The following ENTREP2 variants were observed in gnomAD, a reference collection of about 807,000 sequenced individuals.
ENTREP2 encodes the protein protein ENTREP2.
chr15:29,655,242 T>C, the ENTREP2 span, among the ~76,000 whole-genome samples: 1 of 152,036 alleles, frequency 6.6e-6, no homozygotes, highest in African/African-American at 2.4e-5. Flanking sequence ...CAGCTGAGAG[T>C]GTAACAAGAA....
At chr15:29,146,313 G>A in the ENTREP2 span, among the ~76,000 whole-genome samples, 1 of 152,078 alleles carries the variant, frequency 6.6e-6, no homozygotes, top group Non-Finnish European at 1.5e-5. Flanking sequence ...TCAACCTAAA[G>A]TTCATATGAA....
At chr15:29,587,486 A>G in the ENTREP2 span, among the ~76,000 whole-genome samples, 1 of 152,180 alleles carries the variant, frequency 6.6e-6, no homozygotes, top group East Asian at 1.9e-4. Context: ...CAAACCTACC[A>G]AATATGTTTA....
the ENTREP2 span, among the ~76,000 whole-genome samples, chr15:29,591,824 T>C: frequency 9.2e-6 from 1 of 108,542 alleles, no homozygotes; most frequent in Non-Finnish European, 1.8e-5. Context: ...TGAGACCCCA[T>C]CTCAAAAGAG....
the ENTREP2 span, among the ~76,000 whole-genome samples, chr15:29,654,440 T>G: frequency 6.6e-6 from 1 of 152,204 alleles, no homozygotes; most frequent in Non-Finnish European, 1.5e-5. Context: ...ACATACGCTT[T>G]GACAGAAAGA....
At chr15:29,200,946 C>T in the ENTREP2 span, among the ~76,000 whole-genome samples, 9 of 152,140 alleles carry the variant, frequency 5.9e-5, no homozygotes, top group African/African-American at 1.4e-4. Flanking sequence ...TCATTGTTAA[C>T]GCAGTTTTCA....
chr15:29,460,229 G>C, the ENTREP2 span, among the ~76,000 whole-genome samples: 2 of 152,190 alleles, frequency 1.3e-5, no homozygotes, highest in African/African-American at 4.8e-5. Context: ...TCCAGCCTGG[G>C]TGACAGAGCA....
the ENTREP2 span, among the ~76,000 whole-genome samples, chr15:29,429,709 G>A: frequency 1.3e-5 from 2 of 152,160 alleles, no homozygotes; most frequent in Non-Finnish European, 2.9e-5. Flanking sequence ...TGAAATCTAC[G>A]GACAGCCATG....
the ENTREP2 span, among the ~76,000 whole-genome samples, chr15:29,552,421 T>G: frequency 1.7e-4 from 26 of 151,912 alleles, no homozygotes; most frequent in Non-Finnish European, 3.7e-4. Context: ...AGGGAAACAG[T>G]ACACGCACAC....
At chr15:29,172,929 G>C in the ENTREP2 span, among the ~76,000 whole-genome samples, 1 of 152,124 alleles carries the variant, frequency 6.6e-6, no homozygotes, top group Non-Finnish European at 1.5e-5. Context: ...TCCCTCCCAG[G>C]TTACAGTCTG....
At chr15:29,287,907 CCAA>C in the ENTREP2 span, among the ~76,000 whole-genome samples, 1 of 152,250 alleles carries the variant, frequency 6.6e-6, no homozygotes, top group Non-Finnish European at 1.5e-5. Context: ...GACAAAAAGA[CCAA>C]CAAGATCGAA....
the ENTREP2 span, among the ~76,000 whole-genome samples, chr15:29,225,250 G>T: frequency 2.6e-5 from 4 of 152,270 alleles, no homozygotes; most frequent in African/African-American, 9.6e-5. Context: ...GGGCACCAAG[G>T]CCGAGGAGGC....
chr15:29,216,026 T>C, the ENTREP2 span, among the ~76,000 whole-genome samples: 1 of 152,186 alleles, frequency 6.6e-6, no homozygotes, highest in Non-Finnish European at 1.5e-5. Context: ...TTTTTTTGTT[T>C]TTGCTTTTTA....
the ENTREP2 span, chr15:29,123,613 A>G: frequency 1.3e-6 from 2 of 1,551,338 alleles, no homozygotes; most frequent in South Asian, 2.4e-5. Context: ...CGCTGGTGAA[A>G]GCTGGGCCCG....
At chr15:29,652,531 C>CT in the ENTREP2 span, among the ~76,000 whole-genome samples, 1 of 152,246 alleles carries the variant, frequency 6.6e-6, no homozygotes, top group Non-Finnish European at 1.5e-5. Flanking sequence ...GAAAGAAGAG[C>CT]TGAGGCCCTT....
At chr15:29,495,507 G>T in the ENTREP2 span, among the ~76,000 whole-genome samples, 3 of 152,132 alleles carry the variant, frequency 2.0e-5, no homozygotes, top group Admixed American at 1.3e-4. Flanking sequence ...TCTTCTAGGA[G>T]TTTTGTGGCT....
chr15:29,274,892 G>A, the ENTREP2 span, among the ~76,000 whole-genome samples: 1 of 152,178 alleles, frequency 6.6e-6, no homozygotes, highest in Non-Finnish European at 1.5e-5. Flanking sequence ...AACAAAGAGA[G>A]GTAATTGTGG....
At chr15:29,227,420 C>T in the ENTREP2 span, among the ~76,000 whole-genome samples, 7 of 152,026 alleles carry the variant, frequency 4.6e-5, no homozygotes, top group South Asian at 2.1e-4. Context: ...TTACAGGGGG[C>T]GGTGAGCAAG....
At chr15:29,490,422 G>T in the ENTREP2 span, among the ~76,000 whole-genome samples, 1 of 152,180 alleles carries the variant, frequency 6.6e-6, no homozygotes, top group Non-Finnish European at 1.5e-5. Flanking sequence ...GCGGCTGCTG[G>T]CTCCGGCAGC....
At chr15:29,386,599 T>C in the ENTREP2 span, among the ~76,000 whole-genome samples, 5 of 152,322 alleles carry the variant, frequency 3.3e-5, no homozygotes, top group African/African-American at 1.2e-4. Flanking sequence ...ACTAAATGTA[T>C]GTGACCCCCC....
Sources: gnomAD v4.1 joint callset for allele counts (sites outside exome capture counted in the v4.1 genomes callset) on GRCh38, gnomAD v4.1.1 for gene constraint, MANE v1.5 for transcripts, NCBI Gene and HGNC (gene_info 2026-07-23, HGNC 2026-07-21) for gene names.